Variants in TOX observed in about 807,000 individuals in gnomAD.
TOX encodes thymocyte selection-associated high mobility group box protein TOX.
In TOX, 11 loss-of-function variants were observed where a neutral mutation model predicts 53.7. That is an observed-to-expected ratio of 0.20 (90% CI 0.13 to 0.34). The LOEUF (loss-of-function observed/expected upper bound fraction) is 0.34. Among genes scored for constraint, TOX ranks in the 10% least tolerant of loss-of-function variants. The pLI, the probability that TOX is intolerant of heterozygous loss-of-function variation, is 1.00. For missense variants in TOX, 570 were observed against 664.6 expected (o/e 0.86, Z 1.56); for synonymous variants, 225 against 245.3 (o/e 0.92, Z 0.77).
chr8:59,103,159 T>C (rs1365822679), intron 1 of TOX, among the ~76,000 whole-genome samples: 1 of 152,186 alleles, frequency 6.6e-6, no homozygotes, highest in Non-Finnish European at 1.5e-5. Context: ...CACCAGCAAC[T>C]ATTGAACCCT....
In TOX at chr8:58,808,189, C is replaced by T. The variant is rs745466883; in HGVS notation, c.1473G>A (p.Glu491=). The part of the protein sequence containing the change: ...TAAQVVTQAM[E]YVRSGCRNPP... Reference sequence around the variant, plus strand: ...GATTTCTGCACCCCGAACGCACATACTCCATTGCCTGGGTGACAACTTGTG... The same window carrying T: ...GATTTCTGCACCCCGAACGCACATATTCCATTGCCTGGGTGACAACTTGTG... Residue 491 remains glutamate, a synonymous_variant, in exon 8 of 9, where the codon GAG becomes GAA. Transcript: ENST00000361421. 2 of 1,614,074 alleles carry T rather than the reference C, an allele frequency of 1.2e-6. No homozygotes were observed. Among genetic ancestry groups the T allele is most frequent in the Non-Finnish European group, 1.7e-6 (2 of 1,180,026 alleles).
At chr8:58,996,383 C>T (rs542815402) in intron 1 of TOX, among the ~76,000 whole-genome samples, 1 of 152,158 alleles carries the variant, frequency 6.6e-6, no homozygotes, top group Admixed American at 6.5e-5. Context: ...CATCAAACCC[C>T]TATCTCAGAA....
chr8:58,824,165 G>A (rs982889058), intron 6 of TOX, among the ~76,000 whole-genome samples: 1 of 152,168 alleles, frequency 6.6e-6, no homozygotes, highest in African/African-American at 2.4e-5. Flanking sequence ...TGAGGGCAGT[G>A]CAGGTCAATG....
At chr8:58,891,412 T>C (rs544010979) in intron 3 of TOX, among the ~76,000 whole-genome samples, 65 of 152,282 alleles carry the variant, frequency 4.3e-4, no homozygotes, top group Middle Eastern at 3.4e-3. Flanking sequence ...AGGACCAAGA[T>C]GTCATCCTGT....
intron 3 of TOX, among the ~76,000 whole-genome samples, chr8:58,926,261 G>T (rs187951736): frequency 7.3e-4 from 111 of 152,260 alleles, no homozygotes; most frequent in African/African-American, 2.6e-3. Context: ...AAGATGGCTG[G>T]TTTCATGATG....
intron 6 of TOX, among the ~76,000 whole-genome samples, chr8:58,816,861 G>C (rs1272478486): frequency 1.3e-5 from 2 of 152,148 alleles, no homozygotes; most frequent in Non-Finnish European, 2.9e-5. Context: ...GGTTCATCAT[G>C]CACGACAGCG....
intron 1 of TOX, among the ~76,000 whole-genome samples, chr8:59,045,430 G>T (rs1374068105): frequency 6.6e-6 from 1 of 152,128 alleles, no homozygotes; most frequent in African/African-American, 2.4e-5. Flanking sequence ...TCTTGTAACT[G>T]GTGCAAAAAT....
intron 1 of TOX, among the ~76,000 whole-genome samples, chr8:59,013,007 T>C (rs1813937950): frequency 6.6e-6 from 1 of 151,958 alleles, no homozygotes; most frequent in Non-Finnish European, 1.5e-5. Context: ...TGCCATGATA[T>C]ACAGTCTTTT....
chr8:58,962,217 G>GAAGT (rs1321639149), intron 1 of TOX, among the ~76,000 whole-genome samples: 2 of 152,172 alleles, frequency 1.3e-5, no homozygotes, highest in Non-Finnish European at 2.9e-5. Flanking sequence ...TGCTCTTGAT[G>GAAGT]AAGTCTCTTT....
At chr8:58,972,180 T>C (rs1487881998) in intron 1 of TOX, among the ~76,000 whole-genome samples, 1 of 152,248 alleles carries the variant, frequency 6.6e-6, no homozygotes, top group African/African-American at 2.4e-5. Context: ...TTTAAATATG[T>C]ACACATTTAT....
intron 6 of TOX, among the ~76,000 whole-genome samples, chr8:58,825,723 C>T (rs907303161): frequency 6.6e-6 from 1 of 152,144 alleles, no homozygotes; most frequent in South Asian, 2.1e-4. Context: ...CTATTTAATC[C>T]AATGGCTATA....
intron 5 of TOX, among the ~76,000 whole-genome samples, chr8:58,827,276 C>T (rs1010781408): frequency 3.3e-4 from 50 of 152,276 alleles, no homozygotes; most frequent in Non-Finnish European, 4.7e-4. Context: ...GATAACTCCA[C>T]AGCACATTCA....
At chr8:58,859,785 A>G (rs1810976319) in intron 3 of TOX, among the ~76,000 whole-genome samples, 1 of 152,222 alleles carries the variant, frequency 6.6e-6, no homozygotes, top group Non-Finnish European at 1.5e-5. Context: ...AGAGCAAAAC[A>G]TCACTGAAGA....
chr8:58,889,287 T>C (rs1168697220), intron 3 of TOX, among the ~76,000 whole-genome samples: 3 of 149,022 alleles, frequency 2.0e-5, no homozygotes, highest in African/African-American at 7.4e-5. Context: ...AATTGAATTA[T>C]GAAGAATACA....
Position 58,806,157 on chromosome 8 carries a change from C to T in TOX, c.*1590G>A, listed in dbSNP as rs1809970990. 6.6e-6 allele frequency: 1 copy of T among 152,104 alleles called. No individual in the cohort carries two copies. Among genetic ancestry groups the T allele is most frequent in the Admixed American group, 6.6e-5 (1 of 15,258 alleles). The allele number at this position is 152,104 out of a possible 1,614,324, so 9.4% of individuals were successfully genotyped here. ...TGGTTCCCTAGCAAATCTCTGGTACCTTAAGAATCCTCTTGGAAGACCCAG... is the reference window on the plus strand; with the variant it reads ...TGGTTCCCTAGCAAATCTCTGGTACTTTAAGAATCCTCTTGGAAGACCCAG... On this transcript the variant is annotated 3_prime_UTR_variant, in exon 9 of 9. Coordinates refer to ENST00000361421, the MANE Select transcript of TOX (RefSeq NM_014729.3).
At chr8:58,877,376 A>G (rs1811303342) in intron 3 of TOX, among the ~76,000 whole-genome samples, 1 of 152,228 alleles carries the variant, frequency 6.6e-6, no homozygotes, top group Non-Finnish European at 1.5e-5. Context: ...AAGAAAATAA[A>G]AGCATAAATG....
chr8:58,985,041 A>T (rs1813300720), intron 1 of TOX, among the ~76,000 whole-genome samples: 1 of 150,106 alleles, frequency 6.7e-6, no homozygotes, highest in African/African-American at 2.4e-5. Flanking sequence ...TTGACTATGG[A>T]CATCTATATA....
intron 1 of TOX, among the ~76,000 whole-genome samples, chr8:59,068,729 C>T (rs1227954519): frequency 1.3e-5 from 2 of 152,092 alleles, no homozygotes; most frequent in African/African-American, 4.8e-5. Context: ...GACGAATGTT[C>T]GAGTCTGGCC....
rs560283453 is a variant in TOX at position 59,070,157 on chromosome 8, A to C, written c.102+48729T>G. Among the ~76,000 whole-genome samples, 4 of 152,344 alleles carry C rather than the reference A, an allele frequency of 2.6e-5. No homozygotes were observed. The South Asian group carries it at 8.3e-4, about 32-fold the overall frequency. On this transcript the variant is annotated intron_variant, in intron 1 of 8. Transcript: ENST00000361421. ...TATGTGACAGCGCAGCTACTTCAAAATAAACTTACAAGTGAATAATTCTCT... is the reference window on the plus strand; with the variant it reads ...TATGTGACAGCGCAGCTACTTCAAACTAAACTTACAAGTGAATAATTCTCT...
Sources: allele counts gnomAD v4.1 joint callset (sites outside exome capture counted in the v4.1 genomes callset), GRCh38; gene constraint gnomAD v4.1.1; transcripts MANE v1.5; gene names NCBI Gene and HGNC (gene_info 2026-07-23, HGNC 2026-07-21).